The following MIPOL1 variants were observed in gnomAD, a reference collection of about 807,000 sequenced individuals.
MIPOL1 encodes the protein mirror-image polydactyly 1.
In MIPOL1, 57 loss-of-function variants were observed where a neutral mutation model predicts 60.9. The observed-to-expected ratio is 0.94, with a 90% CI of 0.76 to 1.17. The LOEUF (loss-of-function observed/expected upper bound fraction) is 1.17, where lower values mean the gene tolerates loss of function less well. MIPOL1 is among the 50% of genes most tolerant of loss of function. The probability of loss-of-function intolerance (pLI) is 0.00; values close to 1 mark genes in which losing one functional copy is unlikely to be tolerated. For synonymous variants in MIPOL1, 179 were observed against 168.8 expected (o/e 1.06, Z -0.47); for missense variants, 551 against 511.6 (o/e 1.08, Z -0.74).
chr14:37,522,158 A>G (rs1212404249), intron 12 of MIPOL1, among the ~76,000 whole-genome samples: 1 of 152,022 alleles, frequency 6.6e-6, no homozygotes, highest in African/African-American at 2.4e-5. Flanking sequence ...CACACCCCAC[A>G]AATACATGCA....
Position 37,376,503 on chromosome 14 carries a change from T to A in MIPOL1, c.936+6879T>A, listed in dbSNP as rs568100865. Among the ~76,000 whole-genome samples, 466 of 152,202 alleles carry A rather than the reference T, an allele frequency of 3.1e-3. 3 individuals are homozygous for A. Among genetic ancestry groups the A allele is most frequent in the African/African-American group, 9.6e-3 (398 of 41,550 alleles). On this transcript the variant is annotated intron_variant, in intron 10 of 12. Coordinates refer to ENST00000684589, the MANE Select transcript of MIPOL1 (RefSeq NM_001388067.1). ...TTGATGGCTTTATAGCTCCTTTTTT[T>A]AAAGTGCTTAAAATATAGGGCTTTT...
At chr14:37,398,734 G>A (rs2093425572) in intron 10 of MIPOL1, among the ~76,000 whole-genome samples, 1 of 152,158 alleles carries the variant, frequency 6.6e-6, no homozygotes, top group African/African-American at 2.4e-5. Flanking sequence ...TATGTACAAG[G>A]TGTGCAGGAC....
At chr14:37,459,896 G>T (rs1017695274) in intron 11 of MIPOL1, among the ~76,000 whole-genome samples, 3 of 151,990 alleles carry the variant, frequency 2.0e-5, no homozygotes, top group Non-Finnish European at 4.4e-5. Flanking sequence ...CCGACATGGT[G>T]AAACCCTGTC....
chr14:37,329,620 TACA>T (rs1378538973), intron 9 of MIPOL1, among the ~76,000 whole-genome samples: 2 of 152,136 alleles, frequency 1.3e-5, no homozygotes, highest in Non-Finnish European at 2.9e-5. Context: ...CTGTTGAGAT[TACA>T]ACATTTATAA....
chr14:37,533,172 T>TA (rs1388166460), intron 12 of MIPOL1, among the ~76,000 whole-genome samples: 4 of 152,138 alleles, frequency 2.6e-5, no homozygotes, highest in Non-Finnish European at 5.9e-5. Flanking sequence ...GAAAAATGAA[T>TA]CACTCTTATT....
chr14:37,393,250 G>A (rs2093291776), intron 10 of MIPOL1, among the ~76,000 whole-genome samples: 1 of 152,014 alleles, frequency 6.6e-6, no homozygotes, highest in Admixed American at 6.6e-5. Flanking sequence ...AAATGTGAGA[G>A]CATTTCTGTG....
At chr14:37,249,131 A>G (rs1357409924) in intron 3 of MIPOL1, among the ~76,000 whole-genome samples, 5 of 152,160 alleles carry the variant, frequency 3.3e-5, no homozygotes, top group Admixed American at 3.3e-4. Flanking sequence ...TCCTTGGGAA[A>G]TGATTCTTTC....
At chr14:37,212,711 C>T (rs913741565) in intron 1 of MIPOL1, among the ~76,000 whole-genome samples, 1 of 152,138 alleles carries the variant, frequency 6.6e-6, no homozygotes, top group African/African-American at 2.4e-5. Context: ...GTTCAAGGGT[C>T]TTGAGCGAAC....
chr14:37,259,465 G>T (rs1048543644), intron 3 of MIPOL1, among the ~76,000 whole-genome samples: 14 of 152,098 alleles, frequency 9.2e-5, no homozygotes, highest in Non-Finnish European at 1.9e-4. Flanking sequence ...TACTCTGGAA[G>T]CTGAAGCTAG....
chr14:37,338,964 G>A (rs1349535320), intron 9 of MIPOL1, among the ~76,000 whole-genome samples: 2 of 152,082 alleles, frequency 1.3e-5, no homozygotes, highest in Non-Finnish European at 2.9e-5. Flanking sequence ...TAACTATAAA[G>A]AAAATATTGA....
chr14:37,249,820 TA>T (rs201828559), intron 3 of MIPOL1, among the ~76,000 whole-genome samples: 69 of 151,142 alleles, frequency 4.6e-4, no homozygotes, highest in South Asian at 2.5e-3. Context: ...CAATTGATGT[TA>T]AAAAAAAACA....
intron 10 of MIPOL1, among the ~76,000 whole-genome samples, chr14:37,412,987 G>A (rs1264812777): frequency 6.6e-6 from 1 of 152,080 alleles, no homozygotes; most frequent in African/African-American, 2.4e-5. Context: ...TCTAGGTGGA[G>A]GGAATATTAC....
intron 12 of MIPOL1, chr14:37,505,637 C>T (rs1230659575): frequency 2.0e-5 from 3 of 152,174 alleles, no homozygotes; most frequent in Admixed American, 6.5e-5. Flanking sequence ...ATGACAAACC[C>T]ACAGCCAATA....
intron 11 of MIPOL1, among the ~76,000 whole-genome samples, chr14:37,425,004 A>G (rs200522777): frequency 6.6e-6 from 1 of 152,228 alleles, no homozygotes; most frequent in East Asian, 1.9e-4. Context: ...GCTGCATTAA[A>G]TTAGGATCTC....
chr14:37,416,926 G>A (rs1382850516), intron 10 of MIPOL1, among the ~76,000 whole-genome samples: 3 of 152,104 alleles, frequency 2.0e-5, no homozygotes, highest in African/African-American at 7.2e-5. Flanking sequence ...TTTTCCTACT[G>A]TTTATTTAAT....
chr14:37,314,670 T>C (rs1384669925), intron 9 of MIPOL1, among the ~76,000 whole-genome samples: 1 of 152,192 alleles, frequency 6.6e-6, no homozygotes, highest in Admixed American at 6.5e-5. Flanking sequence ...TTTTACCTTG[T>C]ATCCTGTTAC....
intron 11 of MIPOL1, among the ~76,000 whole-genome samples, chr14:37,482,267 T>A (rs945881801): frequency 1.3e-5 from 2 of 152,074 alleles, no homozygotes; most frequent in African/African-American, 4.8e-5. Flanking sequence ...GGCAAGGGAT[T>A]TGAATAGACA....
chr14:37,291,451 A>ATTTG (rs71127203), intron 7 of MIPOL1, among the ~76,000 whole-genome samples: 152,252 of 152,312 alleles, frequency 1, 76,096 homozygotes, highest in Non-Finnish European at 1. Context: ...AATGTTATTT[A>ATTTG]TTTATTTTTG....
intron 12 of MIPOL1, among the ~76,000 whole-genome samples, chr14:37,531,757 C>A (rs894102638): frequency 1.3e-5 from 2 of 151,984 alleles, no homozygotes; most frequent in Non-Finnish European, 2.9e-5. Flanking sequence ...TCTTAGCACA[C>A]AGATGAGAAT....
Sources: gnomAD v4.1 joint callset for allele counts (sites outside exome capture counted in the v4.1 genomes callset) on GRCh38, gnomAD v4.1.1 for gene constraint, MANE v1.5 for transcripts, NCBI Gene and HGNC (gene_info 2026-07-23, HGNC 2026-07-21) for gene names.